Variants in MROH2B observed in about 807,000 individuals in gnomAD.
MROH2B encodes the protein maestro heat-like repeat-containing protein family member 2B.
In MROH2B, 177 loss-of-function variants were observed where a neutral mutation model predicts 208.6. The ratio of observed to expected loss-of-function variants is 0.85; its 90% CI spans 0.75 to 0.96. MROH2B has a LOEUF of 0.96. MROH2B is among the 40% of genes least tolerant of loss of function. The pLI, the probability that MROH2B is intolerant of heterozygous loss-of-function variation, is 0.00. For missense variants in MROH2B, 2,002 were observed against 1,878.7 expected (o/e 1.07, Z -1.21); for synonymous variants, 728 against 659.0 (o/e 1.10, Z -1.60).
chr5:41,065,221 T>C (rs1296787581), intron 4 of MROH2B, 110 bp downstream of exon 4: 3 of 1,096,440 alleles, frequency 2.7e-6, no homozygotes, highest in Non-Finnish European at 3.8e-6. Flanking sequence ...TATTTCTTGG[T>C]ACAGAAGAAG....
chr5:41,049,724 T>G (rs2150175669), intron 13 of MROH2B, among the ~76,000 whole-genome samples: 1 of 152,284 alleles, frequency 6.6e-6, no homozygotes, highest in African/African-American at 2.4e-5. Flanking sequence ...AGGGGAATGC[T>G]AGCATCCCTG....
chr5:41,007,343 G>T lies in MROH2B; in HGVS notation c.3720C>A (p.Thr1240=). ...CCAGTGAACATACGCCTATGTGGTG[G>T]GTACTAGGACTGCTGAGTAGAGTCC... The part of the protein sequence containing the change: ...NLWTLLSSPS[T]HHIGVCSLAR... Residue 1240 remains threonine, a synonymous_variant, in exon 34 of 42, where the codon ACC becomes ACA. Coordinates refer to ENST00000399564, the MANE Select transcript of MROH2B (RefSeq NM_173489.5). 5 of 1,489,760 alleles carry T rather than the reference G, an allele frequency of 3.4e-6. No homozygotes were observed. The highest frequency in any genetic ancestry group is 4.5e-6 in the Non-Finnish European group (5 of 1,114,548). The allele number at this position is 1,489,760 out of a possible 1,614,324, so 92.3% of individuals were successfully genotyped here.
chr5:41,021,262 C>A (rs1411006274), intron 24 of MROH2B, among the ~76,000 whole-genome samples: 1 of 152,124 alleles, frequency 6.6e-6, no homozygotes. Context: ...CAGAAACACA[C>A]TAAACATTGT....
intron 24 of MROH2B, among the ~76,000 whole-genome samples, chr5:41,029,005 G>A (rs1301504637): frequency 2.0e-5 from 3 of 152,004 alleles, no homozygotes; most frequent in African/African-American, 7.2e-5. Flanking sequence ...ATAAATTGCT[G>A]GGTCATATAG....
At chr5:41,002,168 A>T (rs566067107) in intron 37 of MROH2B, among the ~76,000 whole-genome samples, 1 of 152,348 alleles carries the variant, frequency 6.6e-6, no homozygotes, top group South Asian at 2.1e-4. Flanking sequence ...ACATTTAGTT[A>T]AAAAAGCTTG....
chr5:41,033,182 T>C (rs780532303), intron 22 of MROH2B, 22 bp from the exon 23 acceptor site: 1 of 1,611,394 alleles, frequency 6.2e-7, no homozygotes, highest in Non-Finnish European at 8.5e-7. Context: ...GCATTTACAA[T>C]GCAAGTCAAG....
intron 6 of MROH2B, among the ~76,000 whole-genome samples, chr5:41,058,779 G>A (rs1330186556): frequency 6.6e-6 from 1 of 151,990 alleles, no homozygotes. Flanking sequence ...TGGCAGGATG[G>A]CTCACGCCTG....
At chr5:41,036,921 C>T (rs1224949985) in intron 21 of MROH2B, among the ~76,000 whole-genome samples, 3 of 152,178 alleles carry the variant, frequency 2.0e-5, no homozygotes, top group Non-Finnish European at 2.9e-5. Flanking sequence ...ACCTCATTTC[C>T]TCTTTATGTT....
intron 13 of MROH2B, among the ~76,000 whole-genome samples, chr5:41,050,135 T>C (rs80171337): frequency 0.049 from 7,462 of 152,298 alleles, 208 homozygotes; most frequent in Middle Eastern, 0.075. Flanking sequence ...GCATCTGATC[T>C]CCTATATAGT....
At chr5:41,009,146 T>G in intron 32 of MROH2B, 134 bp downstream of exon 32, 1 of 1,262,966 alleles carries the variant, frequency 7.9e-7, no homozygotes, top group Non-Finnish European at 1.1e-6. Flanking sequence ...GCCACAACTA[T>G]AAACTGGAGT....
At chr5:41,054,124 T>C (rs368625617) in intron 11 of MROH2B, among the ~76,000 whole-genome samples, 241 of 152,098 alleles carry the variant, frequency 1.6e-3, no homozygotes, top group African/African-American at 5.4e-3. Context: ...GGATTACAGG[T>C]GTGAGCCAGC....
In MROH2B at chr5:41,065,485, G is replaced by A. The variant is rs1040627005; in HGVS notation, c.207C>T (p.Leu69=). 2.5e-6 allele frequency: 4 copies of A among 1,612,238 alleles called. No homozygotes were observed. Among genetic ancestry groups the A allele is most frequent in the Non-Finnish European group, 3.4e-6 (4 of 1,179,242 alleles). ...ASKDMRDNNM[L]REIRMLAGEV... ...CACCAGCTAGCATTCTGATTTCTCT[G>A]AGCATCTGAGGAGGAAAAGAAAAAT... The change falls in exon 4 of 42, where the codon CTC becomes CTT. Residue 69 remains leucine, a synonymous_variant. Coordinates refer to ENST00000399564, the MANE Select transcript of MROH2B (RefSeq NM_173489.5).
intron 28 of MROH2B, among the ~76,000 whole-genome samples, chr5:41,016,246 C>A (rs924305457): frequency 1.3e-5 from 2 of 152,110 alleles, no homozygotes; most frequent in Admixed American, 6.5e-5. Context: ...ACACTTGTTA[C>A]TTGTGTCTAG....
At chr5:40,998,864 T>C (rs550981429) in intron 40 of MROH2B, among the ~76,000 whole-genome samples, 187 bp from the exon 41 acceptor site, 1 of 152,328 alleles carries the variant, frequency 6.6e-6, no homozygotes, top group African/African-American at 2.4e-5. Flanking sequence ...CCGAGTGCCA[T>C]GTCTGCAAGT....
At chr5:41,053,642 G>T (rs1243276493) in intron 11 of MROH2B, among the ~76,000 whole-genome samples, 1 of 152,104 alleles carries the variant, frequency 6.6e-6, no homozygotes, top group Non-Finnish European at 1.5e-5. Flanking sequence ...ACCTAGAGAA[G>T]AGGTACACCT....
At chr5:41,062,383 T>G (rs1440010356) in intron 5 of MROH2B, among the ~76,000 whole-genome samples, 1 of 152,200 alleles carries the variant, frequency 6.6e-6, no homozygotes, top group East Asian at 1.9e-4. Context: ...AGGGGGCTTC[T>G]GGGCTCTGAC....
chr5:41,026,160 A>G (rs754035922), intron 24 of MROH2B, among the ~76,000 whole-genome samples: 34 of 152,202 alleles, frequency 2.2e-4, no homozygotes, highest in Non-Finnish European at 2.8e-4. Context: ...ACTCCTATTC[A>G]ACATAGTGTT....
At chr5:41,014,308 A>T (rs924735951) in intron 29 of MROH2B, among the ~76,000 whole-genome samples, 1 of 152,140 alleles carries the variant, frequency 6.6e-6, no homozygotes, top group Non-Finnish European at 1.5e-5. Context: ...AGAACCCTCC[A>T]TTGGCTTTTG....
In MROH2B at chr5:41,031,509, T is replaced by C. The variant is rs780581900; in HGVS notation, c.2441+1233A>G. Among the ~76,000 whole-genome samples the C allele has an allele frequency of 4.6e-5, 7 of 152,056 alleles. No individual in the cohort carries two copies. The East Asian group carries it at 5.8e-4, about 13-fold the overall frequency. On this transcript the variant is annotated intron_variant, in intron 24 of 41. Transcript: ENST00000399564. The stretch of plus-strand genomic sequence containing the variant: ...CAAAATGCTGGCAATGGGGGCACTA[T>C]GGGTGGTTTTTATTATTTTTTAAAA...
Sources: allele counts gnomAD v4.1 joint callset (sites outside exome capture counted in the v4.1 genomes callset), GRCh38; gene constraint gnomAD v4.1.1; transcripts MANE v1.5; gene names NCBI Gene and HGNC (gene_info 2026-07-23, HGNC 2026-07-21).